The following RPRD1B variants were observed in gnomAD, a reference collection of about 807,000 sequenced individuals.
The protein encoded by RPRD1B is regulation of nuclear pre-mRNA domain-containing protein 1B.
Under a neutral mutation model 41.5 loss-of-function variants are expected in RPRD1B, and 11 were observed. That is an observed-to-expected ratio of 0.27 (90% CI 0.17 to 0.44). The LOEUF is 0.44. Ranked by LOEUF, RPRD1B falls within the 20% of genes least tolerant of loss-of-function variation. The probability of loss-of-function intolerance (pLI) is 1.00; values close to 1 mark genes in which losing one functional copy is unlikely to be tolerated. For missense variants in RPRD1B, 248 were observed against 389.9 expected (o/e 0.64, Z 3.06); for synonymous variants, 158 against 155.6 (o/e 1.02, Z -0.12).
Position 38,090,487 on chromosome 20 carries a change from A to C in RPRD1B, c.*612A>C, listed in dbSNP as rs2074603414. The C allele has an allele frequency of 1.0e-6, 1 of 985,856 alleles. No homozygotes were observed. The highest frequency in any genetic ancestry group is 1.2e-6 in the Non-Finnish European group (1 of 830,002). The allele number at this position is 985,856 out of a possible 1,614,324, so 61.1% of individuals were successfully genotyped here. ...ATTTTGTAAACAGATTGGAGAATCT[A>C]GCAATAAGATTCAAAGCTAATCTGG... On this transcript the variant is annotated 3_prime_UTR_variant, in exon 7 of 7. Transcript: ENST00000373433.
At chr20:38,087,413 C>G (rs1175809135) in intron 6 of RPRD1B, among the ~76,000 whole-genome samples, 1 of 152,170 alleles carries the variant, frequency 6.6e-6, no homozygotes, top group African/African-American at 2.4e-5. Flanking sequence ...ATTCTGATCC[C>G]AGCTCAGCTT....
Position 38,057,690 on chromosome 20 carries a change from C to T in RPRD1B, c.528+46C>T, listed in dbSNP as rs757585076. On this transcript the variant is annotated intron_variant, in intron 4 of 6. Transcript: ENST00000373433. ...AGTAGGGAACAGTGGCTTAAAGTGACCTCTAGTTGAAGACTATGGCCACAA... is the reference window on the plus strand; with the variant it reads ...AGTAGGGAACAGTGGCTTAAAGTGATCTCTAGTTGAAGACTATGGCCACAA... The T allele has an allele frequency of 4.4e-6, 6 of 1,354,350 alleles. No homozygotes were observed. The Admixed American group carries it at 1.0e-4, about 23-fold the overall frequency. The allele number at this position is 1,354,350 out of a possible 1,614,324, so 83.9% of individuals were successfully genotyped here.
At chr20:38,055,627 T>C (rs958422314) in intron 3 of RPRD1B, among the ~76,000 whole-genome samples, 3 of 152,200 alleles carry the variant, frequency 2.0e-5, no homozygotes, top group African/African-American at 7.2e-5. Flanking sequence ...ACTCCACTAA[T>C]ATGCCATTGG....
chr20:38,039,407 C>CTTTTTT (rs1165738530), intron 1 of RPRD1B, among the ~76,000 whole-genome samples: 1 of 141,722 alleles, frequency 7.1e-6, no homozygotes, highest in Non-Finnish European at 1.5e-5. Flanking sequence ...TACAAGAAAC[C>CTTTTTT]TTTTTTTTTT....
intron 3 of RPRD1B, among the ~76,000 whole-genome samples, chr20:38,051,477 C>A (rs978389860): frequency 6.6e-6 from 1 of 152,170 alleles, no homozygotes; most frequent in Non-Finnish European, 1.5e-5. Context: ...TAGATCCTTA[C>A]AACTACTCTG....
At position 38,090,224 on chromosome 20, in the gene RPRD1B, G is replaced by T. The variant is rs886572347; in HGVS notation, c.*349G>T. On this transcript the variant is annotated 3_prime_UTR_variant, in exon 7 of 7. Coordinates refer to ENST00000373433, the MANE Select transcript of RPRD1B (RefSeq NM_021215.4). ...TTCTGGAAGCTTTCGAAAGAATCTT[G>T]TCCCTCATGACAGCATTTTATCATG... The T allele has an allele frequency of 2.0e-6, 2 of 1,003,658 alleles. No homozygotes were observed. Among genetic ancestry groups the T allele is most frequent in the Non-Finnish European group, 2.4e-6 (2 of 841,544 alleles). The allele number at this position is 1,003,658 out of a possible 1,614,324, so 62.2% of individuals were successfully genotyped here. A position where few individuals can be genotyped will look rare whatever the true frequency, so the allele number is the denominator to read the frequency against.
In RPRD1B at chr20:38,090,846, G is replaced by C. The variant is rs955644370; in HGVS notation, c.*971G>C. 9 of 985,332 alleles carry C rather than the reference G, an allele frequency of 9.1e-6. No homozygotes were observed. The highest frequency in any genetic ancestry group is 1.1e-5 in the Non-Finnish European group (9 of 829,972). 61.0% of individuals were successfully genotyped at this position (985,332 alleles called of 1,614,324 possible). The stretch of plus-strand genomic sequence containing the variant: ...CTGGGTGCATGTCCACAGTACGGTG[G>C]CTAAACTCGAACATCACTGCAAATA... On this transcript the variant is annotated 3_prime_UTR_variant, in exon 7 of 7. Coordinates refer to ENST00000373433, the MANE Select transcript of RPRD1B (RefSeq NM_021215.4).
intron 6 of RPRD1B, among the ~76,000 whole-genome samples, chr20:38,087,050 C>T (rs947333566): frequency 2.6e-5 from 4 of 152,110 alleles, no homozygotes; most frequent in East Asian, 1.9e-4. Flanking sequence ...TCTGCCCCGC[C>T]GGGTTCAAGC....
chr20:38,043,052 G>C (rs1353911473), intron 2 of RPRD1B, among the ~76,000 whole-genome samples: 2 of 152,188 alleles, frequency 1.3e-5, no homozygotes, highest in Admixed American at 1.3e-4. Context: ...TATGTGCCAA[G>C]TATGGATCCA....
chr20:38,071,016 G>A (rs553088516), intron 6 of RPRD1B, among the ~76,000 whole-genome samples: 20 of 152,284 alleles, frequency 1.3e-4, no homozygotes, highest in East Asian at 1.2e-3. Context: ...ACAGGCATGC[G>A]CCTCCATGCC....
intron 2 of RPRD1B, among the ~76,000 whole-genome samples, chr20:38,044,919 G>T (rs1004627787): frequency 4.6e-5 from 7 of 152,076 alleles, no homozygotes; most frequent in Non-Finnish European, 8.8e-5. Context: ...TGCTGTGCAT[G>T]AGATAAGACA....
Position 38,066,180 on chromosome 20 carries a change from G to A in RPRD1B, c.755G>A (p.Arg252His), listed in dbSNP as rs765188948. 4.3e-6 allele frequency: 7 copies of A among 1,614,036 alleles called. No homozygotes were observed. The highest frequency in any genetic ancestry group is 5.1e-6 in the Non-Finnish European group (6 of 1,180,040). ...CTGGCAGCAGAACTGGAGGACCGTC[G>A]CCAGCTGGCTCGGATGTTGGTGGAG... Reference protein sequence around the residue: ...GRLAAELEDRRQLARMLVEYT... With the variant: ...GRLAAELEDRHQLARMLVEYT... The change falls in exon 6 of 7, where the codon CGC becomes CAC. Residue 252 changes from arginine to histidine, a missense_variant. Arg to His is a conservative substitution (Grantham distance 29). Around this residue, in one of 5 missense-constraint regions of RPRD1B, gnomAD observed 93 missense variants for 167.2 expected, o/e 0.56. Coordinates refer to ENST00000373433, the MANE Select transcript of RPRD1B (RefSeq NM_021215.4).
intron 3 of RPRD1B, among the ~76,000 whole-genome samples, chr20:38,054,335 A>G (rs1159432506): frequency 6.6e-6 from 1 of 152,190 alleles, no homozygotes; most frequent in Non-Finnish European, 1.5e-5. Flanking sequence ...TGGAAATAGG[A>G]GGAAACTGGA....
intron 6 of RPRD1B, among the ~76,000 whole-genome samples, chr20:38,082,286 C>T (rs1373484954): frequency 1.3e-5 from 2 of 152,124 alleles, no homozygotes; most frequent in Non-Finnish European, 2.9e-5. Flanking sequence ...GGTTCAATCT[C>T]GGGAGATTCC....
intron 6 of RPRD1B, among the ~76,000 whole-genome samples, chr20:38,076,203 GTGA>G (rs976516034): frequency 1.3e-5 from 2 of 152,314 alleles, no homozygotes; most frequent in African/African-American, 4.8e-5. Context: ...TTATGGTGCA[GTGA>G]TGATGATCTG....
Position 38,090,084 on chromosome 20 carries a change from CAT to C in RPRD1B, c.*212_*213del, listed in dbSNP as rs926187912. The C allele has an allele frequency of 3.9e-6, 5 of 1,288,974 alleles. No homozygotes were observed. In the African/African-American group the frequency reaches 7.4e-5, roughly 19 times the overall value. The allele number at this position is 1,288,974 out of a possible 1,614,324, so 79.8% of individuals were successfully genotyped here. ...TGGCGACTGGAATCTGGTTTATATT[CAT>C]ATTTGCAAAGACTACAGACTTTTTC... On this transcript the variant is annotated 3_prime_UTR_variant, in exon 7 of 7. Coordinates refer to ENST00000373433, the MANE Select transcript of RPRD1B (RefSeq NM_021215.4).
chr20:38,090,118 T>G lies in RPRD1B; in HGVS notation c.*243T>G, dbSNP rs1383280210. On this transcript the variant is annotated 3_prime_UTR_variant, in exon 7 of 7. Transcript: ENST00000373433. ...AAAGACTACAGACTTTTTCTCCCAC[T>G]TCATATTTTCATGCCCCCCTGTTGG... 4.5e-5 allele frequency: 55 copies of G among 1,211,342 alleles called. No individual in the cohort carries two copies. Among genetic ancestry groups the G allele is most frequent in the Non-Finnish European group, 5.4e-5 (52 of 971,128 alleles). 75.0% of individuals were successfully genotyped at this position (1,211,342 alleles called of 1,614,324 possible).
intron 6 of RPRD1B, among the ~76,000 whole-genome samples, chr20:38,069,247 A>C (rs1277245458): frequency 6.7e-6 from 1 of 149,964 alleles, no homozygotes; most frequent in Non-Finnish European, 1.5e-5. Context: ...AGAGGGAATT[A>C]CGGCTCAAAG....
At chr20:38,047,244 A>G (rs2074129962) in intron 2 of RPRD1B, among the ~76,000 whole-genome samples, 1 of 152,158 alleles carries the variant, frequency 6.6e-6, no homozygotes, top group Non-Finnish European at 1.5e-5. Flanking sequence ...AAAAGAATTA[A>G]TTTTTATGTA....
Sources: gnomAD v4.1 joint callset for allele counts (sites outside exome capture counted in the v4.1 genomes callset) on GRCh38, gnomAD v4.1.1 for gene constraint, gnomAD v4.1.1 regional missense constraint, MANE v1.5 for transcripts, NCBI Gene and HGNC (gene_info 2026-07-23, HGNC 2026-07-21) for gene names.